The following FAM120B variants were observed in gnomAD, a reference collection of about 807,000 sequenced individuals.
FAM120B encodes constitutive coactivator of peroxisome proliferator-activated receptor gamma.
In FAM120B, 83 loss-of-function variants were observed where a neutral mutation model predicts 96.3. That is an observed-to-expected ratio of 0.86 (90% CI 0.72 to 1.03). The LOEUF (loss-of-function observed/expected upper bound fraction) is 1.03, where lower values mean the gene tolerates loss of function less well. Ranked by LOEUF, FAM120B falls within the 50% of genes least tolerant of loss-of-function variation. The pLI is 0.00. For missense variants in FAM120B, 1,027 were observed against 1,121.2 expected, an observed-to-expected ratio of 0.92 and a Z score of 1.20; for synonymous variants, 407 against 402.7, an observed-to-expected ratio of 1.01 and a Z score of -0.13.
intron 1 of FAM120B, among the ~76,000 whole-genome samples, chr6:170,317,137 T>C (rs6456200): frequency 0.32 from 49,292 of 152,130 alleles, 9,882 homozygotes; most frequent in East Asian, 0.9. Context: ...AAGACTGCTA[T>C]ACTCTCTTGT....
chr6:170,361,534 C>T (rs1788460309), intron 6 of FAM120B, among the ~76,000 whole-genome samples: 2 of 152,036 alleles, frequency 1.3e-5, no homozygotes, highest in African/African-American at 2.4e-5. Flanking sequence ...TTTCTGGATA[C>T]CAAGGACAGG....
chr6:170,379,217 C>G (rs1156598856), intron 6 of FAM120B, among the ~76,000 whole-genome samples: 4 of 152,216 alleles, frequency 2.6e-5, no homozygotes, highest in Admixed American at 6.5e-5. Flanking sequence ...TAACTTCTAA[C>G]TGAAGTTTAT....
intron 4 of FAM120B, among the ~76,000 whole-genome samples, chr6:170,336,419 G>T (rs916289354): frequency 6.6e-6 from 1 of 152,108 alleles, no homozygotes; most frequent in Non-Finnish European, 1.5e-5. Context: ...CCAGTACCAC[G>T]CTGTTTTGGT....
Position 170,363,183 on chromosome 6 carries a change from G to C in FAM120B, c.2283+4865G>C, listed in dbSNP as rs371556826. Among the ~76,000 whole-genome samples the C allele has an allele frequency of 6.6e-6, 1 of 152,098 alleles. No individual in the cohort carries two copies. The highest frequency in any genetic ancestry group is 1.5e-5 in the Non-Finnish European group (1 of 68,028). On this transcript the variant is annotated intron_variant, in intron 6 of 10. Transcript: ENST00000476287. The surrounding 1 kb of genome is among the most constrained non-coding windows in gnomAD (Gnocchi z 4.5). ...CTGACTGTTAGGGAATTCTGGCTCC[G>C]TCTCTTACACACTGAGAACTCCATG...
intron 1 of FAM120B, among the ~76,000 whole-genome samples, chr6:170,296,715 C>A (rs1054810065): frequency 6.6e-6 from 1 of 151,958 alleles, no homozygotes; most frequent in Non-Finnish European, 1.5e-5. Context: ...CCCGCCGAGA[C>A]CCCGGATCCC....
chr6:170,322,696 A>G (rs1466239291), intron 2 of FAM120B, among the ~76,000 whole-genome samples: 1 of 152,194 alleles, frequency 6.6e-6, no homozygotes, highest in East Asian at 1.9e-4. Context: ...AAGTTTTCAA[A>G]GACAGTATGG....
At chr6:170,374,720 A>T (rs1789406753) in intron 6 of FAM120B, among the ~76,000 whole-genome samples, 1 of 152,198 alleles carries the variant, frequency 6.6e-6, no homozygotes, top group Admixed American at 6.5e-5. Context: ...TAGTGCCATG[A>T]ATAGGGCATT....
chr6:170,404,527 G>A lies in FAM120B; in HGVS notation c.2693-23G>A, dbSNP rs764635189. The stretch of plus-strand genomic sequence containing the variant: ...TGAGAGAGATTTAATTCTTACTTTG[G>A]TTTTCATGTCTGTTTACTGCAGGAA... On this transcript the variant is annotated intron_variant, in intron 9 of 10. Transcript: ENST00000476287. The A allele has an allele frequency of 8.1e-6, 13 of 1,610,874 alleles. 1 individual carries two copies. The highest frequency in any genetic ancestry group is 5.5e-5 in the South Asian group (5 of 90,876).
chr6:170,307,226 G>T (rs149918021), intron 1 of FAM120B, among the ~76,000 whole-genome samples: 255 of 152,262 alleles, frequency 1.7e-3, no homozygotes, highest in Non-Finnish European at 3.0e-3. Context: ...GTTATCCTTC[G>T]TAGCTGCACG....
rs1789091097 is a variant in FAM120B, at chr6:170,370,206, C to A, written c.2283+11888C>A. Among the ~76,000 whole-genome samples the A allele has an allele frequency of 6.6e-6, 1 of 152,222 alleles. No individual in the cohort carries two copies. The highest frequency in any genetic ancestry group is 2.4e-5 in the African/African-American group (1 of 41,460). ...TCACAGACTTCCCCAGCGGGGCGGC[C>A]CCCAGGCCTTGTGTCCTCCTGCTCC... On this transcript the variant is annotated intron_variant, in intron 6 of 10. Transcript: ENST00000476287. This position sits in a 1 kb window ranked among gnomAD's most constrained non-coding sequence, Gnocchi z 4.3.
intron 4 of FAM120B, among the ~76,000 whole-genome samples, chr6:170,341,762 G>A (rs896956025): frequency 3.3e-5 from 5 of 152,184 alleles, no homozygotes; most frequent in Admixed American, 1.3e-4. Context: ...CACTTCCTGG[G>A]TGAGGCAACA....
upstream of FAM120B, among the ~76,000 whole-genome samples, chr6:170,292,227 G>C (rs1013046861): frequency 6.6e-6 from 1 of 152,172 alleles, no homozygotes; most frequent in Non-Finnish European, 1.5e-5. This position sits in a 1 kb window ranked among gnomAD's most constrained non-coding sequence, Gnocchi z 6.6. Context: ...TCAGACACTA[G>C]AACTTTTGTT....
chr6:170,323,745 A>G (rs1381371297), intron 3 of FAM120B, among the ~76,000 whole-genome samples: 1 of 152,180 alleles, frequency 6.6e-6, no homozygotes, highest in Non-Finnish European at 1.5e-5. Flanking sequence ...TTTCTCATCT[A>G]TATTTCCATT....
At chr6:170,376,630 T>TA (rs1789536077) in intron 6 of FAM120B, among the ~76,000 whole-genome samples, 1 of 152,262 alleles carries the variant, frequency 6.6e-6, no homozygotes, top group Non-Finnish European at 1.5e-5. Flanking sequence ...CTCACCTTGT[T>TA]GAGAACAATT....
At chr6:170,351,118 C>T (rs139877132) in intron 5 of FAM120B, among the ~76,000 whole-genome samples, 133 of 152,276 alleles carry the variant, frequency 8.7e-4, no homozygotes, top group African/African-American at 3.1e-3. Flanking sequence ...AGCTGAAAAA[C>T]ACAGCATAAG....
rs1778793934 is a variant in FAM120B at position 170,406,139 on chromosome 6, T to G, written c.*1388T>G. The G allele has an allele frequency of 6.6e-6, 1 of 152,186 alleles. No individual in the cohort carries two copies. Among genetic ancestry groups the G allele is most frequent in the South Asian group, 2.1e-4 (1 of 4,826 alleles). The allele number at this position is 152,186 out of a possible 1,614,324, so 9.4% of individuals were successfully genotyped here. On this transcript the variant is annotated 3_prime_UTR_variant, in exon 11 of 11. Coordinates refer to ENST00000476287, the MANE Select transcript of FAM120B (RefSeq NM_032448.3). ...GTGGGAAAAGGAATGGCCAGGGTAT[T>G]GATGATGGAAAAGATTCAAATGAGG... is the stretch of plus-strand genomic sequence containing the variant.
intron 6 of FAM120B, among the ~76,000 whole-genome samples, chr6:170,362,571 A>G (rs1276592085): frequency 6.6e-6 from 1 of 152,116 alleles, no homozygotes; most frequent in Non-Finnish European, 1.5e-5. Context: ...TGTACTACGT[A>G]TACTGCCGTG....
At position 170,395,540 on chromosome 6, in the gene FAM120B, C is replaced by A; in HGVS notation, c.2653C>A (p.Arg885Ser). 2.5e-6 allele frequency: 4 copies of A among 1,600,404 alleles called. No individual in the cohort carries two copies. The highest frequency in any genetic ancestry group is 3.4e-6 in the Non-Finnish European group (4 of 1,173,644). The change falls in exon 9 of 11, where the codon CGT (arginine) becomes AGT (serine). Residue 885 changes from arginine (R) to serine (S), a missense_variant. Arg to Ser is a moderately radical substitution (Grantham distance 110). Transcript: ENST00000476287. ...SYHRTGSGYSRSSQGQPWRDQ... is the reference protein window; with the variant it reads ...SYHRTGSGYSSSSQGQPWRDQ... ...CCACAGGACGGGCTCTGGGTATAGC[C>A]GTTCCAGTCAGGGACAGCCGTGGAG...
intron 9 of FAM120B, among the ~76,000 whole-genome samples, chr6:170,397,684 T>C (rs1371596750): frequency 6.6e-6 from 1 of 152,186 alleles, no homozygotes; most frequent in Non-Finnish European, 1.5e-5. Flanking sequence ...TGTTGACTGA[T>C]GTGGAGTAAA....
Sources: allele counts gnomAD v4.1 joint callset (sites outside exome capture counted in the v4.1 genomes callset), GRCh38; gene constraint gnomAD v4.1.1; non-coding constraint Gnocchi (gnomAD v3.1); transcripts MANE v1.5; gene names NCBI Gene and HGNC (gene_info 2026-07-23, HGNC 2026-07-21).